MICU1: variants seen among roughly 807,000 people sequenced by gnomAD.
The protein encoded by MICU1 is calcium uptake protein 1, mitochondrial.
A neutral mutation model predicts 56.8 loss-of-function variants in MICU1; 45 were observed. The observed-to-expected ratio is 0.79, with a 90% CI of 0.62 to 1.02. MICU1 has a LOEUF of 1.02. Ranked by LOEUF, MICU1 falls within the 50% of genes least tolerant of loss-of-function variation. MICU1 has a pLI of 0.00. For missense variants in MICU1, 504 were observed against 587.1 expected (o/e 0.86, Z 1.46); for synonymous variants, 186 against 195.1 (o/e 0.95, Z 0.39).
chr10:72,500,285 TATATATATATATATA>T (rs1867006729), intron 6 of MICU1, among the ~76,000 whole-genome samples: 1 of 10,224 alleles, frequency 9.8e-5, no homozygotes. Flanking sequence ...TATATATATA[TATATATATATATATA>T]TATTTTTTTT....
intron 8 of MICU1, among the ~76,000 whole-genome samples, chr10:72,462,443 A>T (rs1865666326): frequency 6.6e-6 from 1 of 151,914 alleles, no homozygotes; most frequent in Non-Finnish European, 1.5e-5. Flanking sequence ...ATAGTGTCTG[A>T]CTCATGGTAA....
intron 10 of MICU1, among the ~76,000 whole-genome samples, chr10:72,376,304 T>C (rs1862518375): frequency 6.6e-6 from 1 of 151,862 alleles, no homozygotes; most frequent in African/African-American, 2.4e-5. Flanking sequence ...ATAATTGAGT[T>C]TTTATTCATA....
At chr10:72,433,427 G>A (rs1390652195) in intron 8 of MICU1, among the ~76,000 whole-genome samples, 1 of 137,752 alleles carries the variant, frequency 7.3e-6, no homozygotes, top group African/African-American at 2.9e-5. Flanking sequence ...TTGTATTTTT[G>A]TATTTTTTTT....
chr10:72,508,299 C>A, intron 5 of MICU1, 30 bp from the exon 6 acceptor site: 1 of 956,286 alleles, frequency 1.0e-6, no homozygotes, highest in Non-Finnish European at 1.5e-6. Flanking sequence ...CACCAAAAGA[C>A]AAAAATATAT....
chr10:72,480,265 G>A (rs879755997), intron 6 of MICU1, among the ~76,000 whole-genome samples: 2 of 152,216 alleles, frequency 1.3e-5, no homozygotes, highest in Non-Finnish European at 2.9e-5. Context: ...GACTGGCTTA[G>A]ACTACTGTGT....
At chr10:72,410,600 C>G (rs987752296) in intron 9 of MICU1, among the ~76,000 whole-genome samples, 1 of 152,150 alleles carries the variant, frequency 6.6e-6, no homozygotes, top group East Asian at 1.9e-4. Flanking sequence ...GTCTGGGCAA[C>G]AAGAGGGAAA....
At chr10:72,547,537 A>G (rs1429920622) in intron 4 of MICU1, among the ~76,000 whole-genome samples, 1 of 149,846 alleles carries the variant, frequency 6.7e-6, no homozygotes, top group Non-Finnish European at 1.5e-5. Flanking sequence ...ACATATGTAT[A>G]TATATATATA....
At chr10:72,528,233 G>A (rs1172124087) in intron 5 of MICU1, among the ~76,000 whole-genome samples, 1 of 152,314 alleles carries the variant, frequency 6.6e-6, no homozygotes, top group South Asian at 2.1e-4. Flanking sequence ...ATGTGACTTT[G>A]AAATATCTGT....
At chr10:72,457,322 A>G (rs1865503220) in intron 8 of MICU1, among the ~76,000 whole-genome samples, 1 of 150,654 alleles carries the variant, frequency 6.6e-6, no homozygotes, top group Non-Finnish European at 1.5e-5. Flanking sequence ...GGCTTAAGCA[A>G]TCCTCCTGCC....
At chr10:72,614,345 C>A (rs1046270723) in intron 1 of MICU1, among the ~76,000 whole-genome samples, 13 of 152,038 alleles carry the variant, frequency 8.6e-5, no homozygotes, top group Non-Finnish European at 1.8e-4. Context: ...ATAGAATTAC[C>A]ATATGATCCA....
chr10:72,614,578 T>C (rs1841932860), intron 1 of MICU1, among the ~76,000 whole-genome samples: 1 of 152,240 alleles, frequency 6.6e-6, no homozygotes, highest in East Asian at 1.9e-4. Flanking sequence ...TCATGTCATT[T>C]CACCTTCAAA....
rs750749111 is a variant in MICU1, at chr10:72,492,789, G to GAATAGAATAAAATAA, written c.652+15365_652+15366insTTATTTTATTCTATT. Among the ~76,000 whole-genome samples the GAATAGAATAAAATAA allele has an allele frequency of 2.7e-4, 37 of 135,288 alleles. 1 individual carries two copies. Among genetic ancestry groups the GAATAGAATAAAATAA allele is most frequent in the South Asian group, 9.4e-4 (4 of 4,254 alleles). 88.8% of individuals were successfully genotyped at this position (135,288 alleles called of 152,430 possible). A position where few individuals can be genotyped will look rare whatever the true frequency, so the allele number is the denominator to read the frequency against. ...AAATAAATAAAATAAAAATAGAATA[G>GAATAGAATAAAATAA]AATAAAATAAAATAAAATAAAATAA... On this transcript the variant is annotated intron_variant, in intron 6 of 11. Transcript: ENST00000361114.
At chr10:72,433,227 A>T (rs1490186784) in intron 8 of MICU1, among the ~76,000 whole-genome samples, 1 of 152,018 alleles carries the variant, frequency 6.6e-6, no homozygotes, top group South Asian at 2.1e-4. Context: ...GGCGTGAGCC[A>T]CTGGTGCCTG....
intron 8 of MICU1, among the ~76,000 whole-genome samples, chr10:72,434,751 T>G (rs1218363526): frequency 6.6e-6 from 1 of 152,238 alleles, no homozygotes; most frequent in Non-Finnish European, 1.5e-5. Context: ...TTTGCTTTCC[T>G]CTAACTCCAT....
intron 1 of MICU1, among the ~76,000 whole-genome samples, chr10:72,601,736 G>A (rs1193004491): frequency 6.6e-6 from 1 of 151,762 alleles, no homozygotes; most frequent in Non-Finnish European, 1.5e-5. Context: ...ATGAAGAGTG[G>A]ACAGTTGTGG....
At chr10:72,468,521 C>A (rs1299859730) in intron 8 of MICU1, among the ~76,000 whole-genome samples, 2 of 151,642 alleles carry the variant, frequency 1.3e-5, no homozygotes, top group Admixed American at 6.6e-5. Context: ...TTTTTAATAA[C>A]CTTAAAAGAG....
intron 6 of MICU1, among the ~76,000 whole-genome samples, chr10:72,479,610 C>T (rs1485363053): frequency 6.6e-6 from 1 of 152,184 alleles, no homozygotes; most frequent in African/African-American, 2.4e-5. Flanking sequence ...CTCAATGCAA[C>T]CTCAGACTTC....
intron 5 of MICU1, among the ~76,000 whole-genome samples, chr10:72,523,351 A>G (rs1367724087): frequency 6.6e-6 from 1 of 152,228 alleles, no homozygotes; most frequent in African/African-American, 2.4e-5. Context: ...TAGAATTCCC[A>G]GGATTAGAAA....
At chr10:72,500,417 G>T (rs1867032654) in intron 6 of MICU1, among the ~76,000 whole-genome samples, 1 of 145,242 alleles carries the variant, frequency 6.9e-6, no homozygotes. Flanking sequence ...CTGCCTCCCA[G>T]GTTCAAGCGA....
Sources: gnomAD v4.1 joint callset for allele counts (sites outside exome capture counted in the v4.1 genomes callset) on GRCh38, gnomAD v4.1.1 for gene constraint, MANE v1.5 for transcripts, NCBI Gene and HGNC (gene_info 2026-07-23, HGNC 2026-07-21) for gene names.